Variants in MAD1L1 observed in about 807,000 individuals in gnomAD.
MAD1L1 encodes mitotic spindle assembly checkpoint protein MAD1.
A neutral mutation model predicts 96.9 loss-of-function variants in MAD1L1; 95 were observed. That is an observed-to-expected ratio of 0.98 (90% CI 0.83 to 1.16). The LOEUF is 1.16. MAD1L1 is among the 50% of genes most tolerant of loss of function. MAD1L1 has a pLI of 0.00. For missense variants in MAD1L1, 1,007 were observed against 954.4 expected (o/e 1.06, Z -0.73); for synonymous variants, 473 against 396.6 (o/e 1.19, Z -2.29).
At chr7:1,891,637 G>A (rs994505189) in intron 18 of MAD1L1, among the ~76,000 whole-genome samples, 1 of 152,138 alleles carries the variant, frequency 6.6e-6, no homozygotes, top group African/African-American at 2.4e-5. Context: ...GAGTGCGGTG[G>A]CGCGATCATA....
Position 1,936,913 on chromosome 7 carries a change from C to A in MAD1L1, c.1597-16G>T. 6.4e-7 allele frequency: 1 copy of A among 1,565,676 alleles called. No individual in the cohort carries two copies. The highest frequency in any genetic ancestry group is 8.7e-7 in the Non-Finnish European group (1 of 1,151,984). On this transcript the variant is annotated splice_polypyrimidine_tract_variant and intron_variant, in intron 16 of 18. Transcript: ENST00000265854. ...CATAGTCACCCTGCAGGAACACACACAGCACAGGTCACCATGGCCCAGGCA... is the reference window on the plus strand; with the variant it reads ...CATAGTCACCCTGCAGGAACACACAAAGCACAGGTCACCATGGCCCAGGCA...
intron 17 of MAD1L1, among the ~76,000 whole-genome samples, chr7:1,933,147 G>A (rs1789577693): frequency 6.6e-6 from 1 of 152,160 alleles, no homozygotes; most frequent in Non-Finnish European, 1.5e-5. Flanking sequence ...TGTTTTCCCT[G>A]CTCGTTTCCT....
intron 11 of MAD1L1, among the ~76,000 whole-genome samples, chr7:2,124,815 T>C (rs1477929140): frequency 6.6e-6 from 1 of 152,100 alleles, no homozygotes; most frequent in Non-Finnish European, 1.5e-5. Flanking sequence ...CCAAGCACGG[T>C]GACATCACAT....
chr7:1,936,794 T>G lies in MAD1L1; in HGVS notation c.1700A>C (p.Glu567Ala), dbSNP rs1345740834. The G allele has an allele frequency of 1.9e-6, 3 of 1,588,010 alleles. No individual in the cohort carries two copies. The highest frequency in any genetic ancestry group is 1.7e-6 in the Non-Finnish European group (2 of 1,168,254). ...LREDHSQLQAECERLRGLLRA... is the reference protein window; with the variant it reads ...LREDHSQLQAACERLRGLLRA... Reference sequence around the variant, plus strand: ...CAGGAGCCCGCGCAGTCGCTCGCACTCCGCCTGCAGCTGGCTGTGGTCCTC... The same window carrying G: ...CAGGAGCCCGCGCAGTCGCTCGCACGCCGCCTGCAGCTGGCTGTGGTCCTC... The change falls in exon 17 of 19, where the codon GAG (glutamate) becomes GCG (alanine). Residue 567 changes from glutamate (E) to alanine (A), a missense_variant. By Grantham distance (107) the Glu-to-Ala change is moderately radical (BLOSUM62 -1). Coordinates refer to ENST00000265854, the MANE Select transcript of MAD1L1 (RefSeq NM_001013836.2).
intron 18 of MAD1L1, chr7:1,850,017 A>G (rs1008510971): frequency 5.3e-5 from 8 of 152,226 alleles, no homozygotes; most frequent in East Asian, 1.9e-4. Flanking sequence ...TGATTAGGAA[A>G]ATATTGGTTA....
intron 14 of MAD1L1, among the ~76,000 whole-genome samples, chr7:1,988,141 C>CGGGTGGGA (rs1781244504): frequency 1.3e-5 from 2 of 152,230 alleles, no homozygotes; most frequent in African/African-American, 2.4e-5. Flanking sequence ...TGCGGAAGCA[C>CGGGTGGGA]GGGTGGGAAG....
At chr7:2,076,010 G>A (rs1180785373) in intron 11 of MAD1L1, among the ~76,000 whole-genome samples, 1 of 152,232 alleles carries the variant, frequency 6.6e-6, no homozygotes, top group Non-Finnish European at 1.5e-5. Flanking sequence ...CTCTGAGAGA[G>A]GCCAGGACAG....
intron 14 of MAD1L1, 82 bp downstream of exon 14, chr7:2,001,982 TA>T: frequency 6.8e-7 from 1 of 1,472,204 alleles, no homozygotes; most frequent in Non-Finnish European, 9.5e-7. Context: ...GCCTGCAGCC[TA>T]AAGGCTTATG....
At chr7:1,996,070 C>T (rs1428377417) in intron 14 of MAD1L1, among the ~76,000 whole-genome samples, 3 of 152,316 alleles carry the variant, frequency 2.0e-5, no homozygotes, top group South Asian at 2.1e-4. Flanking sequence ...TCTTCAGTAG[C>T]AGCACCAGTG....
At chr7:1,836,226 TG>T (rs1273189378) in intron 18 of MAD1L1, among the ~76,000 whole-genome samples, 1 of 152,086 alleles carries the variant, frequency 6.6e-6, no homozygotes, top group African/African-American at 2.4e-5. Flanking sequence ...TTTACCATGT[TG>T]GTCAGGCTGT....
At chr7:2,169,586 A>G (rs938987005) in intron 10 of MAD1L1, among the ~76,000 whole-genome samples, 18 of 152,242 alleles carry the variant, frequency 1.2e-4, no homozygotes, top group African/African-American at 4.3e-4. Context: ...TGCAGGTGCC[A>G]GGCTCCGCGC....
rs1391274632 is a variant in MAD1L1, at chr7:1,957,652, G to A, written c.1573C>T (p.Gln525Ter). 4 of 1,614,036 alleles carry A rather than the reference G, an allele frequency of 2.5e-6. No homozygotes were observed. The East Asian group carries it at 8.9e-5, about 36-fold the overall frequency. The change falls in exon 16 of 19, where the codon CAG (glutamine) becomes TAG (stop). Residue 525 changes from glutamine (Q) to a stop codon, truncating the protein, a stop_gained. Transcript: ENST00000265854. LOFTEE classifies it high-confidence loss of function. ...LEEEKRMLEA[Q>*]LERRALQGDY... ...ACCTGCAGAGCTCGCCGCTCCAGCTGTGCCTCCAGCATCCTCTTTTCCTCC... is the reference window on the plus strand; with the variant it reads ...ACCTGCAGAGCTCGCCGCTCCAGCTATGCCTCCAGCATCCTCTTTTCCTCC...
In MAD1L1 at chr7:1,855,828, C is replaced by CT. The variant is rs138659730; in HGVS notation, c.1999-39601dup. On this transcript the variant is annotated intron_variant, in intron 18 of 18. Coordinates refer to ENST00000265854, the MANE Select transcript of MAD1L1 (RefSeq NM_001013836.2). Reference sequence around the variant, plus strand: ...CCAGCTCCAGAGAGGCTTTCGGGGTCTGTTACAGCTGCACCCCACTCTTGG... The same window carrying CT: ...CCAGCTCCAGAGAGGCTTTCGGGGTCTTGTTACAGCTGCACCCCACTCTTGG... 8.3e-3 allele frequency among the ~76,000 whole-genome samples: 1,258 copies of CT among 152,300 alleles called. 16 individuals carry two copies. The highest frequency in any genetic ancestry group is 0.029 in the African/African-American group (1,216 of 41,564).
At chr7:2,080,711 C>T (rs1785598750) in intron 11 of MAD1L1, among the ~76,000 whole-genome samples, 1 of 152,350 alleles carries the variant, frequency 6.6e-6, no homozygotes, top group African/African-American at 2.4e-5. Flanking sequence ...GTCGGCTGCA[C>T]AGGGCCGTGC....
chr7:1,888,855 G>A (rs966060613), intron 18 of MAD1L1, among the ~76,000 whole-genome samples: 23 of 152,204 alleles, frequency 1.5e-4, no homozygotes, highest in East Asian at 3.8e-4. Context: ...CAGTGGGAGC[G>A]TGCATGATGC....
At chr7:2,111,652 C>T (rs1177519782) in intron 11 of MAD1L1, among the ~76,000 whole-genome samples, 2 of 152,224 alleles carry the variant, frequency 1.3e-5, no homozygotes, top group Non-Finnish European at 2.9e-5. Flanking sequence ...AGCACCACAG[C>T]AACTGTCTGA....
At chr7:2,217,160 T>C (rs1424997726) in intron 7 of MAD1L1, among the ~76,000 whole-genome samples, 1 of 152,214 alleles carries the variant, frequency 6.6e-6, no homozygotes, top group East Asian at 1.9e-4. Context: ...CAGCTCAGTC[T>C]TTCCAATAGT....
intron 15 of MAD1L1, among the ~76,000 whole-genome samples, chr7:1,978,279 G>A (rs538734818): frequency 1.3e-4 from 20 of 152,236 alleles, no homozygotes; most frequent in South Asian, 4.2e-4. Flanking sequence ...CCCCCTCTCC[G>A]AGGCCTCCAG....
intron 12 of MAD1L1, among the ~76,000 whole-genome samples, chr7:2,060,298 CGCCG>C (rs1784595147): frequency 6.7e-6 from 1 of 148,976 alleles, no homozygotes. Flanking sequence ...TCCCGAGATA[CGCCG>C]ATCCCGAGAT....
Sources: allele counts gnomAD v4.1 joint callset (sites outside exome capture counted in the v4.1 genomes callset), GRCh38; gene constraint gnomAD v4.1.1; transcripts MANE v1.5; gene names NCBI Gene and HGNC (gene_info 2026-07-23, HGNC 2026-07-21).